Variants in TMEM144 observed in about 807,000 individuals in gnomAD.
TMEM144 encodes transmembrane protein 144.
In TMEM144, 39 loss-of-function variants were observed where a neutral mutation model predicts 43.6. The observed-to-expected ratio is 0.90, with a 90% CI of 0.69 to 1.17. The LOEUF (loss-of-function observed/expected upper bound fraction) is 1.17. Among genes scored for constraint, TMEM144 ranks in the 50% most tolerant of loss-of-function variants. The pLI is 0.00. For missense variants in TMEM144, 417 were observed against 411.9 expected, an observed-to-expected ratio of 1.01 and a Z score of -0.11; for synonymous variants, 154 against 133.6, an observed-to-expected ratio of 1.15 and a Z score of -1.06.
chr4:158,239,825 A>G (rs555690228), intron 9 of TMEM144, among the ~76,000 whole-genome samples: 1 of 152,140 alleles, frequency 6.6e-6, no homozygotes, highest in Admixed American at 6.5e-5. Flanking sequence ...TTTTAAATAT[A>G]TTAATTAAAA....
chr4:158,233,723 T>G (rs928875248), intron 7 of TMEM144: 14 of 152,262 alleles, frequency 9.2e-5, no homozygotes, highest in African/African-American at 3.4e-4. Flanking sequence ...CTTGGCAGGG[T>G]GCTTATTTAC....
chr4:158,224,062 C>T (rs960946873), intron 6 of TMEM144, among the ~76,000 whole-genome samples: 7 of 152,288 alleles, frequency 4.6e-5, no homozygotes, highest in South Asian at 2.1e-4. Flanking sequence ...TCCACAGCTT[C>T]GCCAGCATCT....
rs113780320 is a variant in TMEM144 at position 158,249,979 on chromosome 4, T to C, written c.955-3465T>C. On this transcript the variant is annotated intron_variant, in intron 12 of 12. Transcript: ENST00000296529. ...TTGGCAAGGTTTTCGGGTGCTTCTA[T>C]TTGTAGAATTTGGGATTAAAGTGGC... is the stretch of plus-strand genomic sequence containing the variant. 5.4e-3 allele frequency among the ~76,000 whole-genome samples: 816 copies of C among 151,088 alleles called. 10 individuals are homozygous for C. The highest frequency in any genetic ancestry group is 0.019 in the African/African-American group (781 of 41,206).
At chr4:158,234,611 G>A (rs1735248529) in intron 7 of TMEM144, 1 of 151,740 alleles carries the variant, frequency 6.6e-6, no homozygotes, top group Non-Finnish European at 1.5e-5. Flanking sequence ...CAGGGAATAT[G>A]TTCCAAGACA....
Position 158,254,879 on chromosome 4 carries a change from G to C in TMEM144, c.*1352G>C, listed in dbSNP as rs1560848099. 6.6e-6 allele frequency: 1 copy of C among 152,148 alleles called. No individual in the cohort carries two copies. Among genetic ancestry groups the C allele is most frequent in the Non-Finnish European group, 1.5e-5 (1 of 68,030 alleles). 9.4% of individuals were successfully genotyped at this position (152,148 alleles called of 1,614,324 possible). A position where few individuals can be genotyped will look rare whatever the true frequency, so the allele number is the denominator to read the frequency against. ...CTTTGGACAAGTTCCTAAGCCCTCT[G>C]TGTCAGGCCCCTCATTAACAAAATG... On this transcript the variant is annotated 3_prime_UTR_variant, in exon 13 of 13. Coordinates refer to ENST00000296529, the MANE Select transcript of TMEM144 (RefSeq NM_018342.5).
At chr4:158,236,199 G>C (rs753261206) in intron 8 of TMEM144, among the ~76,000 whole-genome samples, 1 of 152,084 alleles carries the variant, frequency 6.6e-6, no homozygotes, top group South Asian at 2.1e-4. Context: ...TTTTGATAGC[G>C]TGTATGCTAT....
chr4:158,244,070 C>T (rs961036898), intron 11 of TMEM144, among the ~76,000 whole-genome samples: 7 of 151,888 alleles, frequency 4.6e-5, no homozygotes, highest in Admixed American at 3.3e-4. Context: ...ATTATAGCAT[C>T]ATCAAAATAA....
At chr4:158,242,315 G>A (rs1452173939) in intron 11 of TMEM144, among the ~76,000 whole-genome samples, 1 of 152,156 alleles carries the variant, frequency 6.6e-6, no homozygotes, top group African/African-American at 2.4e-5. Context: ...TTGCTACCAG[G>A]CCCTTGCTTG....
In TMEM144 at chr4:158,240,410, T is replaced by C. The variant is rs1329585085; in HGVS notation, c.794T>C (p.Val265Ala). Residue 265 changes from valine to alanine, a missense_variant, in exon 10 of 13, where the codon GTC (valine) becomes GCC (alanine). Physicochemically the swap from Val to Ala is moderately conservative, Grantham distance 64. Coordinates refer to ENST00000296529, the MANE Select transcript of TMEM144 (RefSeq NM_018342.5). ...AGTCCTAAACTATATCCTGAAGCAGTCCTACCAGGTAAGAATATGTACTAC... is the reference window on the plus strand; with the variant it reads ...AGTCCTAAACTATATCCTGAAGCAGCCCTACCAGGTAAGAATATGTACTAC... ...KNSPKLYPEA[V>A]LPGFLSGVLW... The C allele has an allele frequency of 2.5e-6, 4 of 1,608,568 alleles. No homozygotes were observed. The highest frequency in any genetic ancestry group is 2.2e-5 in the East Asian group (1 of 44,850).
chr4:158,237,310 G>T, intron 8 of TMEM144: 2 of 447,002 alleles, frequency 4.5e-6, no homozygotes, highest in Admixed American at 3.9e-5. Context: ...TCTAAAATTA[G>T]ACACTGGTGG....
chr4:158,244,967 A>G (rs1735813912), intron 12 of TMEM144, among the ~76,000 whole-genome samples: 1 of 152,170 alleles, frequency 6.6e-6, no homozygotes, highest in Non-Finnish European at 1.5e-5. Flanking sequence ...GAGAGAGGGA[A>G]ATTTGTTTAA....
intron 12 of TMEM144, among the ~76,000 whole-genome samples, 163 bp downstream of exon 12, chr4:158,244,512 A>G (rs1735790038): frequency 1.3e-5 from 2 of 152,136 alleles, no homozygotes; most frequent in South Asian, 4.1e-4. Context: ...TCTACTAAAA[A>G]TACAAAAAAT....
chr4:158,221,523 C>T (rs1435663477), intron 6 of TMEM144, among the ~76,000 whole-genome samples: 1 of 152,172 alleles, frequency 6.6e-6, no homozygotes, highest in Non-Finnish European at 1.5e-5. Context: ...ATTCAGAACA[C>T]TCTGTTAAAC....
At chr4:158,231,871 T>C (rs1735097441) in intron 6 of TMEM144, among the ~76,000 whole-genome samples, 1 of 152,138 alleles carries the variant, frequency 6.6e-6, no homozygotes, top group African/African-American at 2.4e-5. Flanking sequence ...TATGAAACTA[T>C]TCATGTTTTA....
rs1160276906 is a variant in TMEM144, at chr4:158,235,420, G to A, written c.496-18G>A. 2 of 1,611,890 alleles carry A rather than the reference G, an allele frequency of 1.2e-6. No individual in the cohort carries two copies. The highest frequency in any genetic ancestry group is 2.2e-5 in the East Asian group (1 of 44,832). On this transcript the variant is annotated intron_variant, in intron 7 of 12. Transcript: ENST00000296529. Reference sequence around the variant, plus strand: ...TTGAATGTTCTTTTGTTTTAATTTGGGCCAATGTTTTCAATAGGTGATCAA... The same window carrying A: ...TTGAATGTTCTTTTGTTTTAATTTGAGCCAATGTTTTCAATAGGTGATCAA...
intron 6 of TMEM144, among the ~76,000 whole-genome samples, chr4:158,222,123 C>G (rs1021882249): frequency 2.1e-4 from 32 of 152,044 alleles, no homozygotes; most frequent in African/African-American, 7.7e-4. Context: ...TGCTTTCCCT[C>G]GTCCCATCCT....
rs1733907771 is a variant in TMEM144 at position 158,210,580 on chromosome 4, G to T, written c.-189G>T. 6.6e-6 allele frequency: 1 copy of T among 152,288 alleles called. No homozygotes were observed. The highest frequency in any genetic ancestry group is 6.5e-5 in the Admixed American group (1 of 15,284). 9.4% of individuals were successfully genotyped at this position (152,288 alleles called of 1,614,324 possible). A position where few individuals can be genotyped will look rare whatever the true frequency, so the allele number is the denominator to read the frequency against. On this transcript the variant is annotated 5_prime_UTR_variant, in exon 1 of 13. Transcript: ENST00000296529. ...GGAAGGAGCTTCAGCCGCCAGCCCG[G>T]AACGCAGTGAGTACAGCCACTCAAA...
intron 12 of TMEM144, among the ~76,000 whole-genome samples, chr4:158,251,680 C>A (rs1387258678): frequency 1.3e-5 from 2 of 152,188 alleles, no homozygotes; most frequent in African/African-American, 4.8e-5. Context: ...AGCACCATGA[C>A]AGTTCTGGGA....
At chr4:158,239,934 G>A (rs1735543364) in intron 9 of TMEM144, among the ~76,000 whole-genome samples, 1 of 149,416 alleles carries the variant, frequency 6.7e-6, no homozygotes, top group East Asian at 2.0e-4. Context: ...TGCCCAGGCT[G>A]GAGTGCAGTG....
Sources: allele counts gnomAD v4.1 joint callset (sites outside exome capture counted in the v4.1 genomes callset), GRCh38; gene constraint gnomAD v4.1.1; transcripts MANE v1.5; gene names NCBI Gene and HGNC (gene_info 2026-07-23, HGNC 2026-07-21).